PPCS: variants seen among roughly 807,000 people sequenced by gnomAD.
PPCS encodes the protein phosphopantothenate--cysteine ligase.
A neutral mutation model predicts 24.6 loss-of-function variants in PPCS; 17 were observed. The observed-to-expected ratio is 0.69, with a 90% CI of 0.47 to 1.04. The LOEUF is 1.04. Ranked by LOEUF, PPCS falls within the 50% of genes least tolerant of loss-of-function variation. The pLI, the probability that PPCS is intolerant of heterozygous loss-of-function variation, is 0.00. For missense variants in PPCS, 360 were observed against 402.8 expected, an observed-to-expected ratio of 0.89 and a Z score of 0.91; for synonymous variants, 190 against 168.3, an observed-to-expected ratio of 1.13 and a Z score of -1.00.
Position 42,460,464 on chromosome 1 carries a change from A to C in PPCS, c.*538A>C. 1.3e-6 allele frequency: 1 copy of C among 795,390 alleles called. No homozygotes were observed. Among genetic ancestry groups the C allele is most frequent in the Non-Finnish European group, 1.5e-6 (1 of 656,222 alleles). 49.3% of individuals were successfully genotyped at this position (795,390 alleles called of 1,614,324 possible). On this transcript the variant is annotated 3_prime_UTR_variant, in exon 3 of 3. Transcript: ENST00000372561. ...TCAAATATAGTAGTAGGAAAGAAGG[A>C]TACCTCCCTGAAGATAGATTGTAGA... is the stretch of plus-strand genomic sequence containing the variant.
At chr1:42,463,355 G>C (rs1643466682), downstream of PPCS, 1 of 152,232 alleles carries the variant, frequency 6.6e-6, no homozygotes, top group Admixed American at 6.5e-5. Context: ...AGCGACCCCG[G>C]GACGCTCGCG....
At chr1:42,465,276 G>C (rs57379143), downstream of PPCS, among the ~76,000 whole-genome samples, 922 of 152,196 alleles carry the variant, frequency 6.1e-3, 6 homozygotes, top group African/African-American at 0.021. Flanking sequence ...GCACCACTGC[G>C]CTCCAACCTG....
At chr1:42,462,562 T>C (rs1643440155), downstream of PPCS, among the ~76,000 whole-genome samples, 1 of 152,196 alleles carries the variant, frequency 6.6e-6, no homozygotes. Flanking sequence ...GACCAAGAAA[T>C]GTTGTGTTTG....
chr1:42,462,126 A>G (rs1256522325), downstream of PPCS, among the ~76,000 whole-genome samples: 6 of 151,962 alleles, frequency 3.9e-5, no homozygotes, highest in African/African-American at 1.5e-4. Flanking sequence ...AAAAACAATC[A>G]GTGTTCTACA....
chr1:42,469,577 A>T (rs1643698764), intron 2 of PPCS, among the ~76,000 whole-genome samples: 1 of 152,156 alleles, frequency 6.6e-6, no homozygotes, highest in Non-Finnish European at 1.5e-5. Flanking sequence ...GAACAGTAGA[A>T]AAGGAGATAA....
chr1:42,456,526 G>C, upstream of PPCS: 1 of 1,437,312 alleles, frequency 7.0e-7, no homozygotes, highest in Non-Finnish European at 9.1e-7. Flanking sequence ...GTGGCGCGGC[G>C]GCCGCGAAAC....
At chr1:42,468,286 TCTC>T (rs1312356881) in intron 2 of PPCS, among the ~76,000 whole-genome samples, 1 of 152,248 alleles carries the variant, frequency 6.6e-6, no homozygotes, top group African/African-American at 2.4e-5. Context: ...AGATTTCTTC[TCTC>T]CTGATATTAT....
At chr1:42,472,278 C>T (rs1334645954) in intron 2 of PPCS, among the ~76,000 whole-genome samples, 1 of 151,990 alleles carries the variant, frequency 6.6e-6, no homozygotes, top group East Asian at 1.9e-4. Flanking sequence ...GTTAGTGGCT[C>T]TAGTAACACA....
chr1:42,465,729 G>A (rs1039030471), downstream of PPCS, among the ~76,000 whole-genome samples: 4 of 152,142 alleles, frequency 2.6e-5, no homozygotes, highest in Non-Finnish European at 5.9e-5. Context: ...ATTTGGCAAT[G>A]TACGTAAGCA....
intron 2 of PPCS, among the ~76,000 whole-genome samples, chr1:42,457,967 AAAAC>A (rs1643282473): frequency 6.6e-6 from 1 of 151,596 alleles, no homozygotes; most frequent in African/African-American, 2.4e-5. Flanking sequence ...AAAAAAAAAA[AAAAC>A]ACCAAAAATC....
intron 2 of PPCS, among the ~76,000 whole-genome samples, chr1:42,469,653 AAAG>A (rs1643702736): frequency 6.6e-6 from 1 of 152,208 alleles, no homozygotes; most frequent in African/African-American, 2.4e-5. Flanking sequence ...GAATACAGGT[AAAG>A]GGATTAACCT....
At chr1:42,461,704 G>A (rs1053919721), downstream of PPCS, among the ~76,000 whole-genome samples, 7 of 152,028 alleles carry the variant, frequency 4.6e-5, no homozygotes, top group Admixed American at 2.6e-4. Flanking sequence ...CCGCCACCAC[G>A]CCCAGCTAAT....
intron 2 of PPCS, chr1:42,459,244 C>T (rs1432617906): frequency 1.5e-5 from 3 of 203,174 alleles, no homozygotes; most frequent in Admixed American, 5.3e-5. Context: ...CTCACTGCAG[C>T]CTCAACCTTC....
At chr1:42,463,410 G>T (rs1643468748), downstream of PPCS, 1 of 152,218 alleles carries the variant, frequency 6.6e-6, no homozygotes, top group Non-Finnish European at 1.5e-5. Context: ...TGAGGTTCCT[G>T]CCTCAGCCCC....
At chr1:42,465,642 A>G (rs1231883840), downstream of PPCS, among the ~76,000 whole-genome samples, 1 of 152,186 alleles carries the variant, frequency 6.6e-6, no homozygotes, top group East Asian at 1.9e-4. Context: ...TGGGATTACA[A>G]GTGTGAGCCA....
chr1:42,458,554 A>G (rs1042382165), intron 2 of PPCS, among the ~76,000 whole-genome samples: 1 of 152,242 alleles, frequency 6.6e-6, no homozygotes, highest in African/African-American at 2.4e-5. Flanking sequence ...GGAGACAATA[A>G]ATAAGTCAAA....
rs1008876005 is a variant in PPCS at position 42,459,938 on chromosome 1, C to T, written c.*12C>T. On this transcript the variant is annotated 3_prime_UTR_variant, in exon 3 of 3. Transcript: ENST00000372561. Reference sequence around the variant, plus strand: ...GTGACAGAAACTGAAGTAAAAAGCCCTTATAGGATCAAAAATTGTTCAGGG... The same window carrying T: ...GTGACAGAAACTGAAGTAAAAAGCCTTTATAGGATCAAAAATTGTTCAGGG... 9 of 1,575,918 alleles carry T rather than the reference C, an allele frequency of 5.7e-6. No individual in the cohort carries two copies. The highest frequency in any genetic ancestry group is 7.7e-6 in the Non-Finnish European group (9 of 1,163,896).
rs532872740 is a variant in PPCS, at chr1:42,460,813, A to G, written c.*887A>G. On this transcript the variant is annotated 3_prime_UTR_variant, in exon 3 of 3. Coordinates refer to ENST00000372561, the MANE Select transcript of PPCS (RefSeq NM_024664.4). Reference sequence around the variant, plus strand: ...CAAAGTAATGCCATTTATTGTGAGGATCAAATGAAATAGCAAAAAGAAAGC... The same window carrying G: ...CAAAGTAATGCCATTTATTGTGAGGGTCAAATGAAATAGCAAAAAGAAAGC... Among the ~76,000 whole-genome samples the G allele has an allele frequency of 5.8e-4, 89 of 152,326 alleles. No homozygotes were observed. The highest frequency in any genetic ancestry group is 1.2e-3 in the Admixed American group (19 of 15,304).
intron 2 of PPCS, 50 bp from the exon 3 acceptor site, chr1:42,459,553 G>C (rs780056196): frequency 3.5e-6 from 5 of 1,439,996 alleles, no homozygotes; most frequent in Non-Finnish European, 3.8e-6. Flanking sequence ...GATTGACCTG[G>C]TAGGTAATGA....
Sources: allele counts gnomAD v4.1 joint callset (sites outside exome capture counted in the v4.1 genomes callset), GRCh38; gene constraint gnomAD v4.1.1; transcripts MANE v1.5; gene names NCBI Gene and HGNC (gene_info 2026-07-23, HGNC 2026-07-21).